SLC9A7: variants seen among roughly 807,000 people sequenced by gnomAD.
SLC9A7 encodes the protein sodium/hydrogen exchanger 7.
Under a neutral mutation model 52.6 loss-of-function variants are expected in SLC9A7, and 19 were observed. That is an observed-to-expected ratio of 0.36 (90% CI 0.25 to 0.53). The LOEUF is 0.53. Ranked by LOEUF, SLC9A7 falls within the 20% of genes least tolerant of loss-of-function variation. The pLI is 0.91. For missense variants in SLC9A7, 455 were observed against 597.9 expected, an observed-to-expected ratio of 0.76 and a Z score of 2.49; for synonymous variants, 226 against 252.1, an observed-to-expected ratio of 0.90 and a Z score of 0.98.
At chrX:46,664,431 C>A (rs1200984789) in intron 5 of SLC9A7, among the ~76,000 whole-genome samples, 3 of 111,784 alleles carry the variant, frequency 2.7e-5, no homozygotes, top group Non-Finnish European at 5.6e-5. Flanking sequence ...CAGGGATTAG[C>A]CAGGTTTTTC....
chrX:46,755,004 C>G (rs1031301241), intron 1 of SLC9A7, among the ~76,000 whole-genome samples: 40 of 112,417 alleles, frequency 3.6e-4, no homozygotes, highest in African/African-American at 1.2e-3. Flanking sequence ...AAGTGCCTGG[C>G]CCCGCTGCCT....
Position 46,643,404 on chromosome X carries a change from G to C in SLC9A7, c.1463-15C>G. On this transcript the variant is annotated splice_polypyrimidine_tract_variant and intron_variant, in intron 11 of 16. Transcript: ENST00000616978. Reference sequence around the variant, plus strand: ...TCCCCTGAGGCCTGCGGGGACCAAAGAAGAAGATCTACTTATAAGGATTAA... The same window carrying C: ...TCCCCTGAGGCCTGCGGGGACCAAACAAGAAGATCTACTTATAAGGATTAA... 1 of 1,082,502 alleles carries C rather than the reference G, an allele frequency of 9.2e-7. No individual in the cohort carries two copies. Among genetic ancestry groups the C allele is most frequent in the East Asian group, 3.0e-5 (1 of 33,650 alleles). The allele number at this position is 1,082,502 out of a possible 1,213,427, so 89.2% of individuals were successfully genotyped here.
At chrX:46,729,594 C>T (rs1345120316) in intron 1 of SLC9A7, among the ~76,000 whole-genome samples, 2 of 110,197 alleles carry the variant, frequency 1.8e-5, no homozygotes. Context: ...ACCAACACAG[C>T]GAAACTCCAT....
intron 5 of SLC9A7, among the ~76,000 whole-genome samples, chrX:46,666,042 C>T (rs1424195862): frequency 8.9e-6 from 1 of 111,884 alleles, no homozygotes; most frequent in African/African-American, 3.2e-5. Context: ...GTACAGTAAT[C>T]AGGGACAAGG....
intron 1 of SLC9A7, among the ~76,000 whole-genome samples, chrX:46,736,562 C>T (rs1198725457): frequency 9.0e-6 from 1 of 111,452 alleles, no homozygotes; most frequent in Admixed American, 9.6e-5. Flanking sequence ...GATGAGTACA[C>T]CTTTTTTTCT....
intron 1 of SLC9A7, among the ~76,000 whole-genome samples, chrX:46,699,135 T>C (rs181251244): frequency 8.9e-6 from 1 of 112,136 alleles, no homozygotes; most frequent in East Asian, 2.8e-4. Context: ...ATGGAACAAG[T>C]TCATGTGATT....
At chrX:46,673,118 T>TG (rs1944051988) in intron 3 of SLC9A7, among the ~76,000 whole-genome samples, 1 of 111,830 alleles carries the variant, frequency 8.9e-6, no homozygotes, top group Admixed American at 9.6e-5. Context: ...CCTAAATATC[T>TG]GCTCATGGAA....
intron 16 of SLC9A7, among the ~76,000 whole-genome samples, chrX:46,608,214 G>GCCTTCTCCA (rs2146666387): frequency 8.9e-6 from 1 of 112,563 alleles, no homozygotes; most frequent in African/African-American, 3.2e-5. Context: ...CCACACCTTG[G>GCCTTCTCCA]CACCTTCCTC....
Position 46,732,761 on chromosome X carries a change from C to T in SLC9A7, c.325+25944G>A, listed in dbSNP as rs747117135. 6.3e-5 allele frequency among the ~76,000 whole-genome samples: 7 copies of T among 111,756 alleles called. No homozygotes were observed. The East Asian group carries it at 2.0e-3, about 31-fold the overall frequency. ...AATCTATTCTACAAATACACCCGCACATACATAAGATGCTCAAGGTTTCCT... is the reference window on the plus strand; with the variant it reads ...AATCTATTCTACAAATACACCCGCATATACATAAGATGCTCAAGGTTTCCT... On this transcript the variant is annotated intron_variant, in intron 1 of 16. Coordinates refer to ENST00000616978, the MANE Select transcript of SLC9A7 (RefSeq NM_001257291.2).
intron 1 of SLC9A7, among the ~76,000 whole-genome samples, chrX:46,708,971 G>A (rs1251337358): frequency 9.0e-6 from 1 of 111,622 alleles, no homozygotes; most frequent in African/African-American, 3.3e-5. Context: ...TCTAGCAGGG[G>A]GAAAGATGTT....
intron 14 of SLC9A7, among the ~76,000 whole-genome samples, chrX:46,627,890 A>G (rs746359952): frequency 7.2e-5 from 8 of 110,570 alleles, no homozygotes; most frequent in Non-Finnish European, 1.1e-4. Flanking sequence ...CAGCCTGGAG[A>G]AACAAAAACA....
intron 1 of SLC9A7, among the ~76,000 whole-genome samples, chrX:46,748,177 T>C (rs1277618173): frequency 1.8e-5 from 2 of 109,728 alleles, no homozygotes; most frequent in Non-Finnish European, 3.8e-5. Context: ...TGAAACCCCA[T>C]CTCTACTAAA....
chrX:46,715,603 T>C lies in SLC9A7; in HGVS notation c.326-33068A>G, dbSNP rs139168973. Among the ~76,000 whole-genome samples the C allele has an allele frequency of 8.5e-3, 953 of 111,905 alleles. 10 individuals carry two copies. Among genetic ancestry groups the C allele is most frequent in the African/African-American group, 0.028 (857 of 30,825 alleles). ...TGAAAATGACAAATGTCGCACAGAG[T>C]GTATTTTTCAGTCTTGAGAAGCCTT... On this transcript the variant is annotated intron_variant, in intron 1 of 16. Transcript: ENST00000616978.
chrX:46,622,618 T>C (rs1384761825), intron 14 of SLC9A7, among the ~76,000 whole-genome samples: 1 of 111,536 alleles, frequency 9.0e-6, no homozygotes, highest in Admixed American at 9.5e-5. Flanking sequence ...ATGAAAACAA[T>C]GAACCCTACT....
chrX:46,624,347 G>A lies in SLC9A7; in HGVS notation c.1741-3288C>T, dbSNP rs147296874. On this transcript the variant is annotated intron_variant, in intron 14 of 16. Transcript: ENST00000616978. Reference sequence around the variant, plus strand: ...GAGTCCTTAACCTGTGGGATCTGACGCTAACTCCAGGTACGTAGTGAGTTA... The same window carrying A: ...GAGTCCTTAACCTGTGGGATCTGACACTAACTCCAGGTACGTAGTGAGTTA... Among the ~76,000 whole-genome samples, 164 of 112,148 alleles carry A rather than the reference G, an allele frequency of 1.5e-3. 1 individual carries two copies. The East Asian group carries it at 0.021, about 15-fold the overall frequency.
In SLC9A7 at chrX:46,674,157, T is replaced by C. The variant is rs192970914; in HGVS notation, c.604-1530A>G. Among the ~76,000 whole-genome samples, 246 of 111,609 alleles carry C rather than the reference T, an allele frequency of 2.2e-3. 2 individuals carry two copies. The South Asian group carries it at 0.039, about 18-fold the overall frequency. ...GAACAAATTTCAATCCCAGATGTGCTTTTCCTTGCCACTCAGCTTTCCTTT... is the reference window on the plus strand; with the variant it reads ...GAACAAATTTCAATCCCAGATGTGCCTTTCCTTGCCACTCAGCTTTCCTTT... On this transcript the variant is annotated intron_variant, in intron 3 of 16. Transcript: ENST00000616978.
intron 3 of SLC9A7, among the ~76,000 whole-genome samples, chrX:46,676,246 G>A (rs1944117654): frequency 9.0e-6 from 1 of 111,230 alleles, no homozygotes; most frequent in Non-Finnish European, 1.9e-5. Context: ...AGCCTTCCGT[G>A]GGATCTGGCA....
chrX:46,609,766 A>G (rs1313286939), intron 16 of SLC9A7, among the ~76,000 whole-genome samples: 1 of 110,871 alleles, frequency 9.0e-6, no homozygotes, highest in African/African-American at 3.3e-5. Flanking sequence ...GGTGGCTCAC[A>G]TCTGTAATCC....
At chrX:46,753,937 G>A in intron 1 of SLC9A7, among the ~76,000 whole-genome samples, 1 of 109,890 alleles carries the variant, frequency 9.1e-6, no homozygotes, top group Non-Finnish European at 1.9e-5. Context: ...AGTGAGCAGA[G>A]ATCGCACCAC....
Sources: gnomAD v4.1 joint callset for allele counts (sites outside exome capture counted in the v4.1 genomes callset) on GRCh38, gnomAD v4.1.1 for gene constraint, MANE v1.5 for transcripts, NCBI Gene and HGNC (gene_info 2026-07-23, HGNC 2026-07-21) for gene names.